Variants in KCNA6 observed in about 807,000 individuals in gnomAD.
The protein encoded by KCNA6 is potassium voltage-gated channel subfamily A member 6, also known as human brain potassium channel-2.
KCNA6 carries 17 observed loss-of-function variants against 29.5 expected under a neutral mutation model. The ratio of observed to expected loss-of-function variants is 0.58; its 90% CI spans 0.39 to 0.86. The LOEUF (loss-of-function observed/expected upper bound fraction) is 0.86. KCNA6 is among the 40% of genes least tolerant of loss of function. The pLI, the probability that KCNA6 is intolerant of heterozygous loss-of-function variation, is 0.00. For missense variants in KCNA6, 450 were observed against 703.4 expected (o/e 0.64, Z 4.07); for synonymous variants, 296 against 304.7 (o/e 0.97, Z 0.30).
At chr12:4,830,826 CT>C in the KCNA6 span, among the ~76,000 whole-genome samples, 1 of 152,232 alleles carries the variant, frequency 6.6e-6, no homozygotes, top group African/African-American at 2.4e-5. Context: ...GGCAGGGGCG[CT>C]GCACCCAGGG....
chr12:4,816,162 A>T (rs956822666), downstream of KCNA6, among the ~76,000 whole-genome samples: 1 of 152,098 alleles, frequency 6.6e-6, no homozygotes, highest in African/African-American at 2.4e-5. Context: ...CTAGAATAGA[A>T]TGACAGTTTT....
the KCNA6 span, among the ~76,000 whole-genome samples, chr12:4,818,884 G>A: frequency 2.0e-5 from 3 of 150,782 alleles, no homozygotes; most frequent in Admixed American, 1.3e-4. Flanking sequence ...ACACACATAC[G>A]TATATACACA....
At chr12:4,840,785 A>G in the KCNA6 span, among the ~76,000 whole-genome samples, 1 of 152,200 alleles carries the variant, frequency 6.6e-6, no homozygotes, top group Non-Finnish European at 1.5e-5. Context: ...CCATTTAGGG[A>G]TGTGTCCCCC....
the KCNA6 span, among the ~76,000 whole-genome samples, chr12:4,818,859 CACACAT>C: frequency 4.8e-4 from 69 of 143,736 alleles, no homozygotes; most frequent in East Asian, 1.4e-3. Context: ...CACACACACA[CACACAT>C]ATGCATATAC....
chr12:4,824,016 C>A, the KCNA6 span, among the ~76,000 whole-genome samples: 1 of 152,154 alleles, frequency 6.6e-6, no homozygotes, highest in African/African-American at 2.4e-5. Flanking sequence ...AGTCAGCTCC[C>A]AGTGCTGTTC....
At chr12:4,823,746 G>A in the KCNA6 span, among the ~76,000 whole-genome samples, 1 of 152,174 alleles carries the variant, frequency 6.6e-6, no homozygotes, top group South Asian at 2.1e-4. Context: ...CTGCCTGGGC[G>A]ACAGAGCGAG....
the KCNA6 span, among the ~76,000 whole-genome samples, chr12:4,824,347 A>G: frequency 6.6e-6 from 1 of 152,190 alleles, no homozygotes; most frequent in African/African-American, 2.4e-5. Flanking sequence ...CATCTATGTA[A>G]TAGTTTCTCT....
the KCNA6 span, among the ~76,000 whole-genome samples, chr12:4,837,983 G>A: frequency 6.6e-6 from 1 of 152,196 alleles, no homozygotes; most frequent in South Asian, 2.1e-4. Flanking sequence ...TGCAGAGACC[G>A]CTCTCCAAGT....
the KCNA6 span, among the ~76,000 whole-genome samples, chr12:4,842,059 G>GT: frequency 1.5e-5 from 2 of 134,658 alleles, no homozygotes; most frequent in African/African-American, 5.4e-5. Context: ...GTGTGTGTGT[G>GT]TGTCTGCTGA....
chr12:4,845,804 G>A, the KCNA6 span, among the ~76,000 whole-genome samples: 1 of 151,816 alleles, frequency 6.6e-6, no homozygotes, highest in East Asian at 1.9e-4. Flanking sequence ...ATTTCAATAA[G>A]GCTTATAACA....
chr12:4,814,585 G>A (rs1946663994), downstream of KCNA6: 1 of 167,148 alleles, frequency 6.0e-6, no homozygotes, highest in African/African-American at 2.4e-5. The surrounding 1 kb of genome is among the most constrained non-coding windows in gnomAD (Gnocchi z 4.6). Context: ...TGTGCCTTGA[G>A]CACCAAGAGA....
At chr12:4,813,243 A>G (rs1946649948) in exon 1 of KCNA6, 1 of 166,974 alleles carries the variant, frequency 6.0e-6, no homozygotes, top group African/African-American at 2.4e-5. Flanking sequence ...CGATCTTGCC[A>G]TAACTTTACA....
the KCNA6 span, among the ~76,000 whole-genome samples, chr12:4,827,202 T>TTCCCTCCTTCCTTCC: frequency 1.9e-5 from 1 of 51,870 alleles, no homozygotes; most frequent in Non-Finnish European, 3.6e-5. Context: ...CCTTCCTTCC[T>TTCCCTCCTTCCTTCC]TCCCTCCTTC....
Position 4,810,363 on chromosome 12 carries a change from A to T in KCNA6, c.322A>T (p.Arg108Trp). The T allele has an allele frequency of 6.2e-7, 1 of 1,614,118 alleles. No homozygotes were observed. Among genetic ancestry groups the T allele is most frequent in the East Asian group, 2.2e-5 (1 of 44,858 alleles). Residue 108 changes from arginine to tryptophan, a missense_variant, in exon 1 of 1, where the codon AGG becomes TGG. By Grantham distance (101) the Arg-to-Trp change is moderately radical. Coordinates refer to ENST00000280684, the Ensembl canonical transcript of KCNA6. The surrounding 1 kb of genome is among the most constrained non-coding windows in gnomAD (Gnocchi z 7.5). ...CTACCAGTCTGGGGGCCGCCTGCGG[A>T]GGCCGGTCAACGTGCCCCTGGACAT... is the stretch of plus-strand genomic sequence containing the variant.
the KCNA6 span, among the ~76,000 whole-genome samples, chr12:4,826,883 A>G: frequency 6.6e-6 from 1 of 152,256 alleles, no homozygotes; most frequent in Non-Finnish European, 1.5e-5. Flanking sequence ...AAAGATCAGA[A>G]CTTACATTTA....
chr12:4,850,865 C>T, the KCNA6 span: 14 of 444,810 alleles, frequency 3.1e-5, no homozygotes, highest in Non-Finnish European at 5.0e-5. This position sits in a 1 kb window ranked among gnomAD's most constrained non-coding sequence, Gnocchi z 5.4. Context: ...GGCCTGACAC[C>T]GCTCTGGAGG....
chr12:4,830,648 C>T, the KCNA6 span, among the ~76,000 whole-genome samples: 6 of 152,376 alleles, frequency 3.9e-5, no homozygotes, highest in African/African-American at 1.4e-4. Flanking sequence ...TTTCTCTTTA[C>T]TGTTCCTCTC....
At chr12:4,848,752 C>T in the KCNA6 span, among the ~76,000 whole-genome samples, 1 of 151,940 alleles carries the variant, frequency 6.6e-6, no homozygotes, top group African/African-American at 2.4e-5. Flanking sequence ...CGAGTTGATC[C>T]CAACTTTTTA....
chr12:4,849,907 A>AC, the KCNA6 span, among the ~76,000 whole-genome samples: 1 of 152,246 alleles, frequency 6.6e-6, no homozygotes, highest in South Asian at 2.1e-4. Context: ...TTGTTTGGCT[A>AC]CGCTGGCTTG....
Sources: gnomAD v4.1 joint callset for allele counts (sites outside exome capture counted in the v4.1 genomes callset) on GRCh38, gnomAD v4.1.1 for gene constraint, Gnocchi (gnomAD v3.1) non-coding constraint, MANE v1.5 for transcripts, NCBI Gene and HGNC (gene_info 2026-07-23, HGNC 2026-07-21) for gene names.